SZT2: variants seen among roughly 807,000 people sequenced by gnomAD.
SZT2 encodes the protein KICSTOR complex protein SZT2.
In SZT2, 216 loss-of-function variants were observed where a neutral mutation model predicts 404.2. That is an observed-to-expected ratio of 0.53 (90% CI 0.48 to 0.60). SZT2 has a LOEUF of 0.60. Among genes scored for constraint, SZT2 ranks in the 20% least tolerant of loss-of-function variants. The pLI is 0.00. For synonymous variants in SZT2, 1,693 were observed against 1,749.9 expected (o/e 0.97, Z 0.81); for missense variants, 3,857 against 4,459.2 (o/e 0.86, Z 3.85).
rs974765732 is a variant in SZT2, at chr1:43,401,732, C to T, written c.28-1445C>T. 4.6e-5 allele frequency among the ~76,000 whole-genome samples: 7 copies of T among 152,128 alleles called. No homozygotes were observed. The South Asian group carries it at 6.2e-4, about 14-fold the overall frequency. On this transcript the variant is annotated intron_variant, in intron 1 of 71. Transcript: ENST00000634258. ...AACTCCTGACCTCAGGTGATCCACCCGCCTCGGCCTCCTGAAGTGCTGGGA... is the reference window on the plus strand; with the variant it reads ...AACTCCTGACCTCAGGTGATCCACCTGCCTCGGCCTCCTGAAGTGCTGGGA...
chr1:43,448,688 G>A lies in SZT2; in HGVS notation c.10046G>A (p.Cys3349Tyr). 3.7e-6 allele frequency: 6 copies of A among 1,614,188 alleles called. No individual in the cohort carries two copies. Among genetic ancestry groups the A allele is most frequent in the Non-Finnish European group, 5.1e-6 (6 of 1,180,036 alleles). Residue 3349 changes from cysteine to tyrosine, a missense_variant, in exon 70 of 72, where the codon TGT becomes TAT. Coordinates refer to ENST00000634258, the MANE Select transcript of SZT2 (RefSeq NM_001365999.1). The surrounding 1 kb of genome is among the most constrained non-coding windows in gnomAD (Gnocchi z 4.2). Reference sequence around the variant, plus strand: ...CTCCTAAGCCGCTTCCCCCAGAGCTGTCGCCATTTCCAAAGCCCAGACTTG... The same window carrying A: ...CTCCTAAGCCGCTTCCCCCAGAGCTATCGCCATTTCCAAAGCCCAGACTTG... Reference protein sequence around the residue: ...KVLLSRFPQSCRHFQSPDLGT... With the variant: ...KVLLSRFPQSYRHFQSPDLGT...
Position 43,443,721 on chromosome 1 carries a change from T to G in SZT2, c.8750T>G (p.Leu2917Arg). The G allele has an allele frequency of 6.2e-7, 1 of 1,614,248 alleles. No homozygotes were observed. The highest frequency in any genetic ancestry group is 8.5e-7 in the Non-Finnish European group (1 of 1,180,036). The stretch of plus-strand genomic sequence containing the variant: ...CTGAAGGAGCTGAGCTTGGCTTTCC[T>G]GCAGCAATATGTGCAGTATCTGCAG... ...PWLKELSLAF[L>R]QQYVQYLQSI... The change falls in exon 62 of 72, where the codon CTG becomes CGG. Residue 2917 changes from leucine (L) to arginine (R), a missense_variant. Physicochemically the swap from Leu to Arg is moderately radical, Grantham distance 102. Coordinates refer to ENST00000634258, the MANE Select transcript of SZT2 (RefSeq NM_001365999.1).
At chr1:43,401,523 G>C (rs1204157843) in intron 1 of SZT2, among the ~76,000 whole-genome samples, 1 of 151,948 alleles carries the variant, frequency 6.6e-6, no homozygotes, top group African/African-American at 2.4e-5. Context: ...GTCTCACTCT[G>C]TCGCCCAGGA....
chr1:43,450,613 G>C lies in SZT2; in HGVS notation c.*133G>C. The C allele has an allele frequency of 7.4e-7, 1 of 1,353,374 alleles. No homozygotes were observed. The highest frequency in any genetic ancestry group is 1.0e-6 in the Non-Finnish European group (1 of 988,476). The allele number at this position is 1,353,374 out of a possible 1,614,324, so 83.8% of individuals were successfully genotyped here. A position where few individuals can be genotyped will look rare whatever the true frequency, so the allele number is the denominator to read the frequency against. On this transcript the variant is annotated 3_prime_UTR_variant, in exon 72 of 72. Coordinates refer to ENST00000634258, the MANE Select transcript of SZT2 (RefSeq NM_001365999.1). This position sits in a 1 kb window ranked among gnomAD's most constrained non-coding sequence, Gnocchi z 4.3. ...GACACTGAGTGACACCAAAGGCTTT[G>C]TAACTATGTCTTGAGGGTCTGCTGC...
chr1:43,426,227 G>A lies in SZT2; in HGVS notation c.3043+76G>A, dbSNP rs1653126281. 6.5e-7 allele frequency: 1 copy of A among 1,539,986 alleles called. No individual in the cohort carries two copies. The highest frequency in any genetic ancestry group is 1.2e-5 in the South Asian group (1 of 84,678). ...TGGAAGTATTAGAAAATAACAAACA[G>A]ATGGGTCAGCAAGTGAGCAGATGAG... On this transcript the variant is annotated intron_variant, in intron 21 of 71. Transcript: ENST00000634258. This position sits in a 1 kb window ranked among gnomAD's most constrained non-coding sequence, Gnocchi z 4.9.
intron 4 of SZT2, chr1:43,412,655 A>T (rs1356812909): frequency 6.6e-6 from 1 of 152,200 alleles, no homozygotes; most frequent in Non-Finnish European, 1.5e-5. Flanking sequence ...GGATCACATC[A>T]AGTTAAAAAG....
rs376350307 is a variant in SZT2, at chr1:43,423,062, A to G, written c.2038-37A>G. The G allele has an allele frequency of 3.1e-3, 4,722 of 1,547,512 alleles. 62 individuals are homozygous for G. The highest frequency in any genetic ancestry group is 0.028 in the South Asian group (2,419 of 85,290). On this transcript the variant is annotated intron_variant, in intron 14 of 71. Coordinates refer to ENST00000634258, the MANE Select transcript of SZT2 (RefSeq NM_001365999.1). ...GCCCCTTCTCCCAGACCTGTAGGAG[A>G]TGGGAGTAAGAGGATGTGACCACAT...
chr1:43,391,836 C>G (rs1163105461), intron 1 of SZT2, among the ~76,000 whole-genome samples: 1 of 101,186 alleles, frequency 9.9e-6, no homozygotes. Flanking sequence ...AATCCCAGCA[C>G]TTTGGGAGGC....
In SZT2 at chr1:43,432,267, T is replaced by C. The variant is rs1653985391; in HGVS notation, c.5275-5T>C. On this transcript the variant is annotated splice_region_variant and splice_polypyrimidine_tract_variant and intron_variant, in intron 36 of 71. Coordinates refer to ENST00000634258, the MANE Select transcript of SZT2 (RefSeq NM_001365999.1). Reference sequence around the variant, plus strand: ...TAAACTGTGATCTTGGCTCCTGCTCTCTAGGAGTTCCGCCGCCTCCATCTC... The same window carrying C: ...TAAACTGTGATCTTGGCTCCTGCTCCCTAGGAGTTCCGCCGCCTCCATCTC... 6.5e-7 allele frequency: 1 copy of C among 1,545,176 alleles called. No homozygotes were observed.
At chr1:43,445,002 C>G (rs943415830) in intron 62 of SZT2, among the ~76,000 whole-genome samples, 2 of 152,196 alleles carry the variant, frequency 1.3e-5, no homozygotes, top group Non-Finnish European at 2.9e-5. Context: ...GAAGGCGTGC[C>G]TGCCCCTCCT....
At chr1:43,446,698 G>A in intron 65 of SZT2, 1 of 616,708 alleles carries the variant, frequency 1.6e-6, no homozygotes, top group Non-Finnish European at 2.8e-6. Context: ...GGCAGACCCT[G>A]ATGGAATCTG....
At chr1:43,434,508 C>T (rs924601580) in intron 41 of SZT2, 23 bp downstream of exon 41, 30 of 1,565,408 alleles carry the variant, frequency 1.9e-5, no homozygotes, top group Non-Finnish European at 2.6e-5. Flanking sequence ...ACTCTCCAGA[C>T]CCGGACACAC....
chr1:43,420,163 C>T lies in SZT2; in HGVS notation c.1101C>T (p.His367=), dbSNP rs1260886842. ...CCACTGGTCTTCCAGGCTCTCAGCA[C>T]CGCCTATTTAATGAGCACCTGGTCT... ...LNPEYYCGSQ[H]RLFNEHLVSA... Residue 367 remains histidine, a synonymous_variant, in exon 9 of 72, where the codon CAC becomes CAT. Transcript: ENST00000634258. This position sits in a 1 kb window ranked among gnomAD's most constrained non-coding sequence, Gnocchi z 5.1. 6.3e-7 allele frequency: 1 copy of T among 1,598,258 alleles called. No individual in the cohort carries two copies. The highest frequency in any genetic ancestry group is 1.7e-5 in the Admixed American group (1 of 59,994).
chr1:43,415,365 T>G (rs1651580396), intron 5 of SZT2, among the ~76,000 whole-genome samples, 152 bp downstream of exon 5: 1 of 152,190 alleles, frequency 6.6e-6, no homozygotes, highest in Admixed American at 6.5e-5. Flanking sequence ...ACACACTCCC[T>G]GTTGGAGCAG....
At chr1:43,390,665 A>G (rs1010255346) in intron 1 of SZT2, among the ~76,000 whole-genome samples, 8 of 152,260 alleles carry the variant, frequency 5.3e-5, no homozygotes, top group African/African-American at 1.9e-4. Context: ...TGTGTCATTC[A>G]GACTTGTGCA....
rs767095734 is a variant in SZT2 at position 43,452,308 on chromosome 1, A to G, written c.*1828A>G. 6.2e-7 allele frequency: 1 copy of G among 1,613,722 alleles called. No homozygotes were observed. The highest frequency in any genetic ancestry group is 1.1e-5 in the South Asian group (1 of 90,948). ...AGCTCCCTGGGGTACTCGGCCAGCC[A>G]TCAGGTGGATCCTGTGGGGAAGATG... On this transcript the variant is annotated 3_prime_UTR_variant, in exon 72 of 72. Coordinates refer to ENST00000634258, the MANE Select transcript of SZT2 (RefSeq NM_001365999.1).
chr1:43,453,317 G>T lies in SZT2; in HGVS notation c.*2837G>T. 1.9e-6 allele frequency: 2 copies of T among 1,026,312 alleles called. No homozygotes were observed. Among genetic ancestry groups the T allele is most frequent in the Non-Finnish European group, 1.4e-6 (1 of 699,292 alleles). 63.6% of individuals were successfully genotyped at this position (1,026,312 alleles called of 1,614,324 possible). Reference sequence around the variant, plus strand: ...GACTTCTGAGCGTCTCAGATCTGGCGTCCTCGACTCCCTGAACCTGCATCA... The same window carrying T: ...GACTTCTGAGCGTCTCAGATCTGGCTTCCTCGACTCCCTGAACCTGCATCA... On this transcript the variant is annotated 3_prime_UTR_variant, in exon 72 of 72. Transcript: ENST00000634258.
At position 43,437,981 on chromosome 1, in the gene SZT2, G is replaced by A. The variant is rs559759544; in HGVS notation, c.6508+79G>A. The A allele has an allele frequency of 3.1e-4, 429 of 1,390,742 alleles. No individual in the cohort carries two copies. The highest frequency in any genetic ancestry group is 2.2e-3 in the Middle Eastern group (11 of 4,972). 86.2% of individuals were successfully genotyped at this position (1,390,742 alleles called of 1,614,324 possible). On this transcript the variant is annotated intron_variant, in intron 46 of 71. Transcript: ENST00000634258. This position sits in a 1 kb window ranked among gnomAD's most constrained non-coding sequence, Gnocchi z 5.3. ...TGGGACTTCTCTTAGAACCTTGCAA[G>A]CATTACACTAGAAGTTATGTAACAG...
chr1:43,446,870 C>T (rs753209430), intron 65 of SZT2, 85 bp from the exon 66 acceptor site: 10 of 1,407,818 alleles, frequency 7.1e-6, no homozygotes, highest in Non-Finnish European at 9.7e-6. Flanking sequence ...AAATCTTGTG[C>T]TTCTTCCCAC....
Sources: allele counts gnomAD v4.1 joint callset (sites outside exome capture counted in the v4.1 genomes callset), GRCh38; gene constraint gnomAD v4.1.1; non-coding constraint Gnocchi (gnomAD v3.1); transcripts MANE v1.5; gene names NCBI Gene and HGNC (gene_info 2026-07-23, HGNC 2026-07-21).